Variants in LGI2 observed in about 807,000 individuals in gnomAD.
LGI2 encodes leucine-rich repeat LGI family member 2.
LGI2 carries 30 observed loss-of-function variants against 52.0 expected under a neutral mutation model. The ratio of observed to expected loss-of-function variants is 0.58; its 90% CI spans 0.43 to 0.78. The LOEUF is 0.78. Ranked by LOEUF, LGI2 falls within the 30% of genes least tolerant of loss-of-function variation. The pLI, the probability that LGI2 is intolerant of heterozygous loss-of-function variation, is 0.00. For missense variants in LGI2, 573 were observed against 692.5 expected, an observed-to-expected ratio of 0.83 and a Z score of 1.94; for synonymous variants, 270 against 271.8, an observed-to-expected ratio of 0.99 and a Z score of 0.06.
chr4:25,022,177 A>G (rs894061832), intron 4 of LGI2, among the ~76,000 whole-genome samples: 5 of 152,188 alleles, frequency 3.3e-5, no homozygotes, highest in African/African-American at 1.2e-4. Context: ...ACCAACCAGT[A>G]TGGCCACTGT....
At chr4:24,998,626 A>C (rs113622170), downstream of LGI2, among the ~76,000 whole-genome samples, 1 of 148,916 alleles carries the variant, frequency 6.7e-6, no homozygotes, top group Admixed American at 6.6e-5. Context: ...GATCAGGCAG[A>C]GTGTAACCAT....
At chr4:25,023,401 G>C (rs1726038216) in intron 4 of LGI2, among the ~76,000 whole-genome samples, 1 of 152,178 alleles carries the variant, frequency 6.6e-6, no homozygotes. Context: ...TGAAGACCTA[G>C]GACATTGTCC....
At chr4:24,993,820 C>G in the LGI2 span, among the ~76,000 whole-genome samples, 1 of 152,068 alleles carries the variant, frequency 6.6e-6, no homozygotes, top group Non-Finnish European at 1.5e-5. Context: ...TTTATTGCGA[C>G]AGAAAATGCA....
At chr4:24,992,866 A>G in the LGI2 span, among the ~76,000 whole-genome samples, 2 of 152,224 alleles carry the variant, frequency 1.3e-5, no homozygotes, top group Admixed American at 6.5e-5. Context: ...CATGGGCTCT[A>G]GAGTCAAACA....
At chr4:25,010,790 G>A (rs1338586199) in intron 7 of LGI2, among the ~76,000 whole-genome samples, 1 of 152,196 alleles carries the variant, frequency 6.6e-6, no homozygotes, top group African/African-American at 2.4e-5. Flanking sequence ...ACTTGTTCAA[G>A]AGCAAAGCTC....
intron 7 of LGI2, among the ~76,000 whole-genome samples, chr4:25,007,411 C>G (rs1235963056): frequency 6.6e-6 from 1 of 152,134 alleles, no homozygotes; most frequent in South Asian, 2.1e-4. Flanking sequence ...GCAGGCTCCT[C>G]GTCCCCTTCT....
intron 3 of LGI2, among the ~76,000 whole-genome samples, chr4:25,026,449 T>G (rs1217057762): frequency 6.6e-6 from 1 of 152,014 alleles, no homozygotes; most frequent in Admixed American, 6.6e-5. Flanking sequence ...GAACAGTGAG[T>G]GAACAACATG....
chr4:25,019,430 T>C (rs1394767561), intron 4 of LGI2, among the ~76,000 whole-genome samples, 192 bp from the exon 5 acceptor site: 1 of 152,156 alleles, frequency 6.6e-6, no homozygotes, highest in Non-Finnish European at 1.5e-5. Flanking sequence ...CTTTTTTTTT[T>C]TACAAAAAGC....
rs1157878828 is a variant in LGI2, at chr4:25,000,364, A to G, written c.*3087T>C. 1.3e-5 allele frequency: 2 copies of G among 152,622 alleles called. No homozygotes were observed. The highest frequency in any genetic ancestry group is 4.8e-5 in the African/African-American group (2 of 41,460). 9.5% of individuals were successfully genotyped at this position (152,622 alleles called of 1,614,324 possible). On this transcript the variant is annotated 3_prime_UTR_variant, in exon 8 of 8. Transcript: ENST00000382114. ...GGCAATTCATATAGTTTTCATGTCT[A>G]TTTCCTTCTCTCTGAAATTAGAATA...
In LGI2 at chr4:25,002,611, C is replaced by T. The variant is rs745645925; in HGVS notation, c.*840G>A. ...CCTCTAAAGGATGAAATGAAAAGCACCAGTCTTTGGCCTGCCTGCTGGTTA... is the reference window on the plus strand; with the variant it reads ...CCTCTAAAGGATGAAATGAAAAGCATCAGTCTTTGGCCTGCCTGCTGGTTA... On this transcript the variant is annotated 3_prime_UTR_variant, in exon 8 of 8. Transcript: ENST00000382114. The T allele has an allele frequency of 2.0e-5, 3 of 152,606 alleles. No homozygotes were observed. The highest frequency in any genetic ancestry group is 1.5e-5 in the Non-Finnish European group (1 of 68,026). 9.5% of individuals were successfully genotyped at this position (152,606 alleles called of 1,614,324 possible). A position where few individuals can be genotyped will look rare whatever the true frequency, so the allele number is the denominator to read the frequency against.
downstream of LGI2, among the ~76,000 whole-genome samples, chr4:24,997,240 C>T (rs565039193): frequency 2.0e-5 from 3 of 152,268 alleles, no homozygotes; most frequent in Admixed American, 6.5e-5. Flanking sequence ...ATTACTTATG[C>T]CTCCAATTCT....
rs1726314889 is a variant in LGI2 at position 25,030,695 on chromosome 4, C to A, written c.-2G>T. The A allele has an allele frequency of 1.5e-6, 2 of 1,347,424 alleles. No homozygotes were observed. Among genetic ancestry groups the A allele is most frequent in the Non-Finnish European group, 1.9e-6 (2 of 1,056,180 alleles). The allele number at this position is 1,347,424 out of a possible 1,614,324, so 83.5% of individuals were successfully genotyped here. A position where few individuals can be genotyped will look rare whatever the true frequency, so the allele number is the denominator to read the frequency against. Reference sequence around the variant, plus strand: ...GCAGCCGCCTCTCCGCAGCGCCATGCCCGGTCCCCGCTCCCCGCCCGGGCC... The same window carrying A: ...GCAGCCGCCTCTCCGCAGCGCCATGACCGGTCCCCGCTCCCCGCCCGGGCC... On this transcript the variant is annotated 5_prime_UTR_variant, in exon 1 of 8. Coordinates refer to ENST00000382114, the MANE Select transcript of LGI2 (RefSeq NM_018176.4).
chr4:25,019,219 T>G lies in LGI2; in HGVS notation c.433A>C (p.Ile145Leu), dbSNP rs1421323641. The G allele has an allele frequency of 5.0e-6, 8 of 1,608,840 alleles. No individual in the cohort carries two copies. In the East Asian group the frequency reaches 1.6e-4, roughly 31 times the overall value. The change falls in exon 5 of 8, where the codon ATA (isoleucine) becomes CTA (leucine). Residue 145 changes from isoleucine to leucine, a missense_variant. Transcript: ENST00000382114. ...LTHLSLANNH[I>L]KALPRDVFSD... is the part of the protein sequence containing the mutation. ...AAGACATCCCTTGGTAGTGCTTTTATGTGGTTATTGGCCAAAGAACTAGAA... is the reference window on the plus strand; with the variant it reads ...AAGACATCCCTTGGTAGTGCTTTTAGGTGGTTATTGGCCAAAGAACTAGAA...
chr4:24,992,477 G>A, the LGI2 span, among the ~76,000 whole-genome samples: 20 of 152,040 alleles, frequency 1.3e-4, no homozygotes, highest in Non-Finnish European at 2.1e-4. Context: ...ACTTTGGGGG[G>A]CTGAGGCGGG....
At chr4:25,014,484 C>CCAAAAAA (rs1553871855) in intron 6 of LGI2, among the ~76,000 whole-genome samples, 2 of 116,802 alleles carry the variant, frequency 1.7e-5, no homozygotes, top group East Asian at 2.4e-4. Flanking sequence ...CCGCCCCCGC[C>CCAAAAAA]AAAAAAAAGG....
intron 3 of LGI2, among the ~76,000 whole-genome samples, chr4:25,026,160 A>G (rs1170178847): frequency 6.6e-6 from 1 of 151,802 alleles, no homozygotes; most frequent in African/African-American, 2.4e-5. Context: ...AAAATGAGAC[A>G]AGGCTTTAAA....
chr4:25,017,962 G>A (rs368899114), intron 6 of LGI2, 27 bp downstream of exon 6: 300 of 1,556,784 alleles, frequency 1.9e-4, no homozygotes, highest in African/African-American at 1.8e-3. Context: ...CTAAATATCC[G>A]TGTCTGATGA....
chr4:25,029,000 A>T (rs1373113721), intron 1 of LGI2, among the ~76,000 whole-genome samples: 1 of 152,176 alleles, frequency 6.6e-6, no homozygotes, highest in African/African-American at 2.4e-5. Flanking sequence ...TTGGGACCCC[A>T]TCTCTGAAAG....
At chr4:25,023,206 T>C (rs889972816) in intron 4 of LGI2, among the ~76,000 whole-genome samples, 2 of 152,196 alleles carry the variant, frequency 1.3e-5, no homozygotes, top group Non-Finnish European at 2.9e-5. Flanking sequence ...TTATCCCTAT[T>C]TTAAGGAGGA....
Sources: allele counts gnomAD v4.1 joint callset (sites outside exome capture counted in the v4.1 genomes callset), GRCh38; gene constraint gnomAD v4.1.1; transcripts MANE v1.5; gene names NCBI Gene and HGNC (gene_info 2026-07-23, HGNC 2026-07-21).